The following CDK13 variants were observed in gnomAD, a reference collection of about 807,000 sequenced individuals.
The protein encoded by CDK13 is cyclin-dependent kinase 13.
In CDK13, 40 loss-of-function variants were observed where a neutral mutation model predicts 137.6. That is an observed-to-expected ratio of 0.29 (90% CI 0.23 to 0.38). CDK13 has a LOEUF of 0.38. CDK13 is among the 10% of genes least tolerant of loss of function. CDK13 has a pLI of 1.00. For missense variants in CDK13, 1,704 were observed against 1,951.8 expected (o/e 0.87, Z 2.39); for synonymous variants, 869 against 760.1 (o/e 1.14, Z -2.36).
At chr7:40,022,568 GAATAGACAAGGTAGACCCTA>G (rs1171658143) in intron 5 of CDK13, among the ~76,000 whole-genome samples, 1 of 151,936 alleles carries the variant, frequency 6.6e-6, no homozygotes, top group East Asian at 1.9e-4. Context: ...TAGGTGTTTG[GAATAGACAAGGTAGACCCTA>G]TGTTGTGTCA....
intron 6 of CDK13, 28 bp downstream of exon 6, chr7:40,046,053 A>T (rs1785731872): frequency 7.5e-7 from 1 of 1,335,860 alleles, no homozygotes; most frequent in African/African-American, 1.5e-5. Flanking sequence ...ATATATATTT[A>T]AAATGAGTTT....
chr7:40,090,203 A>G (rs1786890619), intron 12 of CDK13, among the ~76,000 whole-genome samples: 1 of 152,160 alleles, frequency 6.6e-6, no homozygotes, highest in Admixed American at 6.5e-5. Context: ...TCTTCATGGA[A>G]CTGATGTCTT....
chr7:40,040,012 T>C (rs1419561944), intron 5 of CDK13, among the ~76,000 whole-genome samples: 1 of 151,358 alleles, frequency 6.6e-6, no homozygotes, highest in African/African-American at 2.4e-5. Context: ...TCATTTGCTT[T>C]TTTTTTTTTT....
At chr7:40,012,222 G>T (rs1784910666) in intron 5 of CDK13, among the ~76,000 whole-genome samples, 1 of 152,172 alleles carries the variant, frequency 6.6e-6, no homozygotes, top group African/African-American at 2.4e-5. Flanking sequence ...GAGTACAATG[G>T]TGCAGTTGCT....
At chr7:40,056,657 C>G (rs142890164) in intron 7 of CDK13, among the ~76,000 whole-genome samples, 464 of 152,332 alleles carry the variant, frequency 3.0e-3, no homozygotes, top group African/African-American at 0.01. Context: ...GAAGCAAGAA[C>G]AATCACTTAA....
chr7:39,986,135 G>A (rs943190157), intron 1 of CDK13: 3 of 152,196 alleles, frequency 2.0e-5, no homozygotes, highest in African/African-American at 4.8e-5. Flanking sequence ...GAGTTCAGGT[G>A]TTGACTTCAG....
rs1227313093 is a variant in CDK13, at chr7:40,012,133, CAA to C, written c.2353+10103_2353+10104del. Among the ~76,000 whole-genome samples, 297 of 152,106 alleles carry C rather than the reference CAA, an allele frequency of 2.0e-3. 2 individuals are homozygous for C. In the East Asian group the frequency reaches 0.048, roughly 25 times the overall value. ...ATTATAAAAAACAAAACACCACCAA[CAA>C]CAACAAAAAAAACCCTAGGAAATAA... is the stretch of plus-strand genomic sequence containing the variant. On this transcript the variant is annotated intron_variant, in intron 5 of 13. Coordinates refer to ENST00000181839, the MANE Select transcript of CDK13 (RefSeq NM_003718.5).
Position 40,094,497 on chromosome 7 carries a change from T to C in CDK13, c.4056T>C (p.Asn1352=), listed in dbSNP as rs766549845. The C allele has an allele frequency of 6.2e-6, 10 of 1,613,338 alleles. No individual in the cohort carries two copies. The highest frequency in any genetic ancestry group is 1.6e-4 in the Middle Eastern group (1 of 6,084). ...TCTCTTCTGCTCCTTATGTTAGCAA[T>C]GATGGTCTAGGAAGCAGTTCTGCTC... ...SSFSSAPYVS[N]DGLGSSSAPP... Residue 1352 remains asparagine (N), a synonymous_variant, in exon 14 of 14, where the codon AAT becomes AAC. Transcript: ENST00000181839.
rs537499335 is a variant in CDK13, at chr7:40,068,681, G to A, written c.2780+5581G>A. On this transcript the variant is annotated intron_variant, in intron 9 of 13. Transcript: ENST00000181839. The stretch of plus-strand genomic sequence containing the variant: ...AGATTGTGCCACTGCACTCCAGCCT[G>A]GGTGACAGAGTGAGACTATGTCTCA... Among the ~76,000 whole-genome samples, 8 of 137,948 alleles carry A rather than the reference G, an allele frequency of 5.8e-5. No individual in the cohort carries two copies. The South Asian group carries it at 1.9e-3, about 34-fold the overall frequency. The allele number at this position is 137,948 out of a possible 152,430, so 90.5% of individuals were successfully genotyped here.
chr7:40,036,605 A>G (rs1473816381), intron 5 of CDK13, among the ~76,000 whole-genome samples: 1 of 152,134 alleles, frequency 6.6e-6, no homozygotes, highest in East Asian at 1.9e-4. Context: ...TAAAATATAA[A>G]AATAAAAGTA....
At chr7:39,983,251 T>C (rs1017478267) in intron 1 of CDK13, among the ~76,000 whole-genome samples, 5 of 152,184 alleles carry the variant, frequency 3.3e-5, no homozygotes, top group Non-Finnish European at 7.4e-5. Flanking sequence ...TAGCCAGTTT[T>C]CCCAGCACCA....
Position 39,958,772 on chromosome 7 carries a change from G to C in CDK13, c.1211+6920G>C, listed in dbSNP as rs1057512792. 2.0e-5 allele frequency among the ~76,000 whole-genome samples: 3 copies of C among 151,240 alleles called. No homozygotes were observed. The East Asian group carries it at 5.8e-4, about 29-fold the overall frequency. On this transcript the variant is annotated intron_variant, in intron 1 of 13. Coordinates refer to ENST00000181839, the MANE Select transcript of CDK13 (RefSeq NM_003718.5). ...GTATTTGTTCCATTATCTTTAGATT[G>C]AATTTCCTGGGGATAAAATTTTTGA...
At chr7:40,047,721 GT>G (rs57364877) in intron 6 of CDK13, 99 bp from the exon 7 acceptor site, 265,748 of 634,006 alleles carry the variant, frequency 0.42, 37,891 homozygotes, top group African/African-American at 0.64. Flanking sequence ...GTTTACATAG[GT>G]TTTTTTTTTT....
intron 1 of CDK13, among the ~76,000 whole-genome samples, chr7:39,965,193 C>T (rs1041619074): frequency 6.6e-6 from 1 of 152,122 alleles, no homozygotes; most frequent in Admixed American, 6.5e-5. Context: ...AACTTTCTGT[C>T]TCGTTGATCT....
intron 1 of CDK13, among the ~76,000 whole-genome samples, chr7:39,960,384 T>TA (rs1787579143): frequency 6.6e-6 from 1 of 151,164 alleles, no homozygotes; most frequent in South Asian, 2.1e-4. Flanking sequence ...GCCTCGCGAG[T>TA]AGCTGGGACT....
intron 2 of CDK13, among the ~76,000 whole-genome samples, chr7:39,996,282 A>C (rs1784559200): frequency 6.6e-6 from 1 of 152,176 alleles, no homozygotes; most frequent in Non-Finnish European, 1.5e-5. Context: ...AGTTGCAATA[A>C]ATTTTTTCAT....
chr7:40,080,141 C>G (rs944856232), intron 11 of CDK13, among the ~76,000 whole-genome samples: 2 of 152,068 alleles, frequency 1.3e-5, no homozygotes, highest in Non-Finnish European at 2.9e-5. Context: ...GCATGCACCA[C>G]CACATCTGGC....
intron 5 of CDK13, among the ~76,000 whole-genome samples, chr7:40,034,156 G>A (rs1004501061): frequency 1.3e-5 from 2 of 152,136 alleles, no homozygotes; most frequent in African/African-American, 4.8e-5. Flanking sequence ...GGGTCCTGCT[G>A]TAGTTTTTAA....
intron 1 of CDK13, among the ~76,000 whole-genome samples, chr7:39,964,285 C>T (rs1427571197): frequency 6.6e-6 from 1 of 152,142 alleles, no homozygotes; most frequent in Non-Finnish European, 1.5e-5. Flanking sequence ...TAATTATTGC[C>T]TCAATTTCAG....
Sources: gnomAD v4.1 joint callset for allele counts (sites outside exome capture counted in the v4.1 genomes callset) on GRCh38, gnomAD v4.1.1 for gene constraint, MANE v1.5 for transcripts, NCBI Gene and HGNC (gene_info 2026-07-23, HGNC 2026-07-21) for gene names.